Variants in MAP4K2 observed in about 807,000 individuals in gnomAD.
MAP4K2 encodes the protein B lymphocyte serine/threonine protein kinase.
Under a neutral mutation model 125.3 loss-of-function variants are expected in MAP4K2, and 85 were observed. The ratio of observed to expected loss-of-function variants is 0.68; its 90% CI spans 0.57 to 0.81. MAP4K2 has a LOEUF of 0.81. MAP4K2 is among the 40% of genes least tolerant of loss of function. The pLI is 0.00. For missense variants in MAP4K2, 923 were observed against 1,056.4 expected (o/e 0.87, Z 1.75); for synonymous variants, 479 against 445.1 (o/e 1.08, Z -0.96).
At chr11:64,799,031 C>T (rs533542839) in intron 14 of MAP4K2, among the ~76,000 whole-genome samples, 194 bp from the exon 15 acceptor site, 4 of 152,182 alleles carry the variant, frequency 2.6e-5, no homozygotes, top group East Asian at 1.9e-4. Context: ...CAACAGACAG[C>T]GAGGGAGGAA....
At chr11:64,795,894 T>G (rs1372582936) in intron 24 of MAP4K2, among the ~76,000 whole-genome samples, 3 of 151,252 alleles carry the variant, frequency 2.0e-5, no homozygotes, top group Non-Finnish European at 2.9e-5. Flanking sequence ...TGGGAATCCT[T>G]GAAAGCAAGG....
intron 24 of MAP4K2, among the ~76,000 whole-genome samples, chr11:64,795,225 A>G (rs1240616357): frequency 6.6e-6 from 1 of 151,416 alleles, no homozygotes; most frequent in East Asian, 1.9e-4. Context: ...CTGGGACTAC[A>G]GGTGCGCACC....
intron 24 of MAP4K2, among the ~76,000 whole-genome samples, 181 bp from the exon 25 acceptor site, chr11:64,792,603 C>G (rs1940566946): frequency 6.6e-6 from 1 of 152,200 alleles, no homozygotes; most frequent in Non-Finnish European, 1.5e-5. Flanking sequence ...AAGCCAGTCT[C>G]CCAGCCCTGA....
chr11:64,800,468 A>G, intron 10 of MAP4K2, 76 bp from the exon 11 acceptor site: 1 of 1,508,318 alleles, frequency 6.6e-7, no homozygotes, highest in Non-Finnish European at 9.1e-7. Context: ...CTGCCCTACC[A>G]CCCCTCCAGA....
At chr11:64,792,127 C>A (rs765146112) in intron 26 of MAP4K2, 41 bp from the exon 27 acceptor site, 13 of 1,583,156 alleles carry the variant, frequency 8.2e-6, no homozygotes, top group South Asian at 1.2e-5. Context: ...ATTTCTCCCC[C>A]CAGAGCTCTG....
At chr11:64,790,510 C>CAA in intron 27 of MAP4K2, 48 bp from the exon 28 acceptor site, 2 of 1,570,982 alleles carry the variant, frequency 1.3e-6, no homozygotes. Flanking sequence ...ACCAGTCCCC[C>CAA]AACCCCAAGA....
chr11:64,799,790 CTGGGACTACTGTAAAATAAAA>C (rs1447234999), intron 12 of MAP4K2, 107 bp from the exon 13 acceptor site: 1 of 817,624 alleles, frequency 1.2e-6, no homozygotes, highest in Non-Finnish European at 2.0e-6. Flanking sequence ...TGACAGCCCT[CTGGGACTACTGTAAAATAAAA>C]TGGAACCCCA....
chr11:64,792,306 C>A, intron 25 of MAP4K2, 31 bp from the exon 26 acceptor site: 2 of 1,592,098 alleles, frequency 1.3e-6, no homozygotes, highest in Non-Finnish European at 1.7e-6. Flanking sequence ...GGGCACCGGG[C>A]TGGGCCTGCG....
At position 64,796,729 on chromosome 11, in the gene MAP4K2, T is replaced by A; in HGVS notation, c.1493-16A>T. 6.2e-7 allele frequency: 1 copy of A among 1,613,952 alleles called. No individual in the cohort carries two copies. The highest frequency in any genetic ancestry group is 1.1e-5 in the South Asian group (1 of 91,086). On this transcript the variant is annotated splice_polypyrimidine_tract_variant and intron_variant, in intron 21 of 31. Transcript: ENST00000294066. ...AGGAACTGGTCTGCCAGTTTGGGCATGGGGTCAGAGGTCAGACATGGCCCC... is the reference window on the plus strand; with the variant it reads ...AGGAACTGGTCTGCCAGTTTGGGCAAGGGGTCAGAGGTCAGACATGGCCCC...
At chr11:64,802,353 G>A in intron 4 of MAP4K2, 66 bp downstream of exon 4, 2 of 1,450,936 alleles carry the variant, frequency 1.4e-6, no homozygotes, top group Non-Finnish European at 1.9e-6. Context: ...AGTCCCCTCT[G>A]GTACCCCAGT....
chr11:64,785,902 A>G lies in MAP4K2; in HGVS notation c.*3635T>C, dbSNP rs1289422815. 6.6e-6 allele frequency: 1 copy of G among 152,146 alleles called. No homozygotes were observed. Among genetic ancestry groups the G allele is most frequent in the South Asian group, 2.1e-4 (1 of 4,830 alleles). 9.4% of individuals were successfully genotyped at this position (152,146 alleles called of 1,614,324 possible). ...ACCATGCCCAAACTAAAATTTTATG[A>G]CATAATATTTGATACATACAAAAGG... On this transcript the variant is annotated 3_prime_UTR_variant, in exon 32 of 32. Coordinates refer to ENST00000294066, the MANE Select transcript of MAP4K2 (RefSeq NM_004579.5).
In MAP4K2 at chr11:64,802,447, T is replaced by C. The variant is rs774275891; in HGVS notation, c.282A>G (p.Gly94=). 13 of 1,502,538 alleles carry C rather than the reference T, an allele frequency of 8.7e-6. No individual in the cohort carries two copies. In the East Asian group the frequency reaches 1.9e-4, roughly 22 times the overall value. The allele number at this position is 1,502,538 out of a possible 1,614,324, so 93.1% of individuals were successfully genotyped here. The change falls in exon 4 of 32, where the codon GGA becomes GGG. Residue 94 remains glycine, a synonymous_variant. Transcript: ENST00000294066. The part of the protein sequence containing the change: ...DRLWICMEFC[G]GGSLQEIYHA... ...GGTAAATCTCCTGCAGGGAGCCCCC[T>C]CCGCAGAACTCCATGCAGATCCACA...
In MAP4K2 at chr11:64,786,514, C is replaced by G. The variant is rs374428057; in HGVS notation, c.*3023G>C. On this transcript the variant is annotated 3_prime_UTR_variant, in exon 32 of 32. Coordinates refer to ENST00000294066, the MANE Select transcript of MAP4K2 (RefSeq NM_004579.5). ...CCGAAGCACACATCATGGTGCTCCC[C>G]TTGACTTTCACCAGGATGACTCCGG... The G allele has an allele frequency of 6.6e-6, 1 of 152,228 alleles. No individual in the cohort carries two copies. Among genetic ancestry groups the G allele is most frequent in the East Asian group, 1.9e-4 (1 of 5,202 alleles). 9.4% of individuals were successfully genotyped at this position (152,228 alleles called of 1,614,324 possible).
chr11:64,796,847 A>G lies in MAP4K2; in HGVS notation c.1454T>C (p.Ile485Thr). The G allele has an allele frequency of 6.2e-7, 1 of 1,613,838 alleles. No homozygotes were observed. The highest frequency in any genetic ancestry group is 2.2e-5 in the East Asian group (1 of 44,878). Residue 485 changes from isoleucine (I) to threonine (T), a missense_variant, in exon 21 of 32, where the codon ATC (isoleucine) becomes ACC (threonine). Around this residue, in one of 2 missense-constraint regions of MAP4K2, gnomAD observed 833 missense variants for 911.4 expected, o/e 0.91. Coordinates refer to ENST00000294066, the MANE Select transcript of MAP4K2 (RefSeq NM_004579.5). ...SKVFNGCPLR[I>T]HAAVTWIHPV... ...GTGAATCCAGGTGACAGCAGCGTGGATCCGCAGGGGGCAGCCATTGAAGAC... is the reference window on the plus strand; with the variant it reads ...GTGAATCCAGGTGACAGCAGCGTGGGTCCGCAGGGGGCAGCCATTGAAGAC...
rs1400696296 is a variant in MAP4K2 at position 64,800,780 on chromosome 11, TCA to T, written c.707_708del (p.Leu236GlnfsTer3). ...MSKSSFQPPK[L>X]RDKTRWTQNF... ...GGCCCTTACCAGCGAGTCTTATCTC[TCA>T]GTTTGGGCGGCTGGAAGCTGCTCTT... On this transcript the variant is annotated frameshift_variant, in exon 10 of 32. Transcript: ENST00000294066. LOFTEE classifies it high-confidence loss of function. The T allele has an allele frequency of 6.2e-7, 1 of 1,608,092 alleles. No homozygotes were observed. Among genetic ancestry groups the T allele is most frequent in the Admixed American group, 1.7e-5 (1 of 58,962 alleles).
At chr11:64,799,733 C>G (rs766444773) in intron 12 of MAP4K2, 50 bp from the exon 13 acceptor site, 2 of 1,503,306 alleles carry the variant, frequency 1.3e-6, no homozygotes, top group South Asian at 1.1e-5. Context: ...CGCCTCATGC[C>G]GGGGCTGCTC....
intron 24 of MAP4K2, among the ~76,000 whole-genome samples, chr11:64,795,962 G>T (rs970846490): frequency 3.3e-5 from 5 of 152,170 alleles, no homozygotes; most frequent in Non-Finnish European, 7.3e-5. Flanking sequence ...TCCATGTCCC[G>T]AAGCCCAGCA....
chr11:64,792,304 G>A, intron 25 of MAP4K2, 29 bp from the exon 26 acceptor site: 1 of 1,593,732 alleles, frequency 6.3e-7, no homozygotes, highest in Non-Finnish European at 8.5e-7. Context: ...GTGGGCACCG[G>A]GCTGGGCCTG....
At chr11:64,799,360 C>T in intron 14 of MAP4K2, 61 bp downstream of exon 14, 1 of 1,592,550 alleles carries the variant, frequency 6.3e-7, no homozygotes, top group Non-Finnish European at 8.6e-7. Context: ...TGCTCGGCCT[C>T]CATCCGACCT....
Sources: gnomAD v4.1 joint callset for allele counts (sites outside exome capture counted in the v4.1 genomes callset) on GRCh38, gnomAD v4.1.1 for gene constraint, gnomAD v4.1.1 regional missense constraint, MANE v1.5 for transcripts, NCBI Gene and HGNC (gene_info 2026-07-23, HGNC 2026-07-21) for gene names.